The following CTNNA2 variants were observed in gnomAD, a reference collection of about 807,000 sequenced individuals.
The protein encoded by CTNNA2 is catenin alpha 2.
In CTNNA2, 42 loss-of-function variants were observed where a neutral mutation model predicts 101.0. That is an observed-to-expected ratio of 0.42 (90% CI 0.32 to 0.54). The LOEUF (loss-of-function observed/expected upper bound fraction) is 0.54, where lower values mean the gene tolerates loss of function less well. Ranked by LOEUF, CTNNA2 falls within the 20% of genes least tolerant of loss-of-function variation. The pLI is 0.14. For missense variants in CTNNA2, 871 were observed against 1,223.1 expected (o/e 0.71, Z 4.29); for synonymous variants, 450 against 456.4 (o/e 0.99, Z 0.18).
At chr2:79,557,862 A>T (rs779821665) in intron 1 of CTNNA2, among the ~76,000 whole-genome samples, 1 of 152,008 alleles carries the variant, frequency 6.6e-6, no homozygotes, top group Non-Finnish European at 1.5e-5. Flanking sequence ...GTGGTACTGA[A>T]CCTAATTAAA....
chr2:79,341,804 C>T (rs1315219245), intron 3 of CTNNA2, among the ~76,000 whole-genome samples: 1 of 152,160 alleles, frequency 6.6e-6, no homozygotes, highest in Non-Finnish European at 1.5e-5. Context: ...TTATATAGCC[C>T]AGTGGGAATC....
chr2:79,467,429 T>C (rs182977445), intron 4 of CTNNA2, among the ~76,000 whole-genome samples: 1 of 152,268 alleles, frequency 6.6e-6, no homozygotes, highest in East Asian at 1.9e-4. Context: ...ACGGGGAGAA[T>C]GGAACCAAGT....
chr2:80,043,095 C>CTTTCTT (rs1312488621), intron 7 of CTNNA2, among the ~76,000 whole-genome samples: 131 of 19,932 alleles, frequency 6.6e-3, no homozygotes, highest in African/African-American at 0.036. Context: ...TTCTTTCTTT[C>CTTTCTT]TCTCTCTCTC....
chr2:79,395,788 G>C (rs1376618), intron 4 of CTNNA2, among the ~76,000 whole-genome samples: 121,158 of 152,136 alleles, frequency 0.8, 48,448 homozygotes, highest in East Asian at 0.96. Context: ...TCAAGAGCTT[G>C]ATATGTTTTA....
chr2:79,938,887 A>G (rs974736), intron 7 of CTNNA2, among the ~76,000 whole-genome samples: 133,979 of 152,170 alleles, frequency 0.88, 59,340 homozygotes, highest in East Asian at 0.95. Flanking sequence ...GAATTGGTCA[A>G]AAACATACTA....
chr2:80,057,135 T>C (rs1342384508), intron 7 of CTNNA2, among the ~76,000 whole-genome samples: 1 of 152,072 alleles, frequency 6.6e-6, no homozygotes, highest in African/African-American at 2.4e-5. Context: ...TACATAAAGC[T>C]TTTTAAAAGT....
intron 4 of CTNNA2, among the ~76,000 whole-genome samples, chr2:79,439,642 A>G (rs936717354): frequency 3.3e-5 from 5 of 152,190 alleles, no homozygotes; most frequent in African/African-American, 9.7e-5. Context: ...GCAGATTCAG[A>G]TTCAGTAAGT....
rs1448333748 is a variant in CTNNA2 at position 80,330,021 on chromosome 2, A to AG, written c.1057-63190_1057-63189insG. ...GCACCCCTTCCTGCCATGTCCTTCT[A>AG]TGGAACACTTCCTTCAACTCCTTGA... On this transcript the variant is annotated intron_variant, in intron 7 of 18. Coordinates refer to ENST00000402739, the MANE Select transcript of CTNNA2 (RefSeq NM_001282597.3). Among the ~76,000 whole-genome samples, 93 of 152,342 alleles carry AG rather than the reference A, an allele frequency of 6.1e-4. 1 individual carries two copies. The highest frequency in any genetic ancestry group is 1.0e-3 in the Non-Finnish European group (71 of 68,036).
chr2:79,856,773 G>A (rs17261111), intron 3 of CTNNA2, among the ~76,000 whole-genome samples: 39,220 of 151,842 alleles, frequency 0.26, 5,373 homozygotes, highest in Non-Finnish European at 0.31. Flanking sequence ...TTCACATCTA[G>A]TCAGCCCTTA....
intron 7 of CTNNA2, among the ~76,000 whole-genome samples, chr2:80,108,917 A>G (rs990448294): frequency 1.3e-5 from 2 of 151,810 alleles, no homozygotes; most frequent in Non-Finnish European, 2.9e-5. Context: ...AACAAAACAC[A>G]CACCAGTTAT....
chr2:79,566,626 A>AT (rs1675130524), intron 1 of CTNNA2, among the ~76,000 whole-genome samples: 1 of 152,158 alleles, frequency 6.6e-6, no homozygotes, highest in South Asian at 2.1e-4. Context: ...AGGCAGTCAT[A>AT]TGAGATAATT....
chr2:79,192,036 G>A (rs565219220), intron 1 of CTNNA2, among the ~76,000 whole-genome samples: 1 of 152,212 alleles, frequency 6.6e-6, no homozygotes, highest in South Asian at 2.1e-4. Context: ...CGGTCAAGGT[G>A]CGAAGCTATT....
At chr2:79,771,152 A>G (rs78580215) in intron 3 of CTNNA2, among the ~76,000 whole-genome samples, 17,688 of 152,190 alleles carry the variant, frequency 0.12, 1,123 homozygotes, top group Admixed American at 0.17. Flanking sequence ...GTTTGTACTT[A>G]TTTTAAAACT....
Position 80,107,139 on chromosome 2 carries a change from C to T in CTNNA2, c.1056+197342C>T, listed in dbSNP as rs538422314. The stretch of plus-strand genomic sequence containing the variant: ...CCCTGGTGAAGTCCCACCTTCCAGC[C>T]GTAAAGCGTGAAACCCATGGCCCAA... On this transcript the variant is annotated intron_variant, in intron 7 of 18. Coordinates refer to ENST00000402739, the MANE Select transcript of CTNNA2 (RefSeq NM_001282597.3). Among the ~76,000 whole-genome samples, 8 of 152,246 alleles carry T rather than the reference C, an allele frequency of 5.3e-5. No homozygotes were observed. In the South Asian group the frequency reaches 1.2e-3, roughly 24 times the overall value.
At chr2:80,188,315 T>C (rs557591144) in intron 7 of CTNNA2, among the ~76,000 whole-genome samples, 26 of 152,226 alleles carry the variant, frequency 1.7e-4, no homozygotes, top group African/African-American at 5.8e-4. Flanking sequence ...ATTTTTTAGT[T>C]TTTCTTTTTC....
chr2:79,219,773 G>A (rs1223389711), intron 2 of CTNNA2, among the ~76,000 whole-genome samples: 1 of 152,214 alleles, frequency 6.6e-6, no homozygotes. Context: ...AATTTGCAGA[G>A]GAGAAACAGT....
chr2:79,946,351 TG>T (rs1688491863), intron 7 of CTNNA2, among the ~76,000 whole-genome samples: 1 of 152,200 alleles, frequency 6.6e-6, no homozygotes, highest in Non-Finnish European at 1.5e-5. Context: ...TACTTCACAA[TG>T]ATAGAAATAT....
At chr2:80,200,079 A>C (rs1707106124) in intron 7 of CTNNA2, among the ~76,000 whole-genome samples, 1 of 152,232 alleles carries the variant, frequency 6.6e-6, no homozygotes, top group South Asian at 2.1e-4. Context: ...ATCCTTGGCT[A>C]CCCAACTGTT....
chr2:80,506,347 C>T (rs902974835), intron 9 of CTNNA2, among the ~76,000 whole-genome samples: 1 of 152,014 alleles, frequency 6.6e-6, no homozygotes, highest in African/African-American at 2.4e-5. Context: ...ACAGGAAGAC[C>T]GGTGAGAAAA....
Sources: allele counts gnomAD v4.1 joint callset (sites outside exome capture counted in the v4.1 genomes callset), GRCh38; gene constraint gnomAD v4.1.1; transcripts MANE v1.5; gene names NCBI Gene and HGNC (gene_info 2026-07-23, HGNC 2026-07-21).